KDM5A: variants seen among roughly 807,000 people sequenced by gnomAD.
The protein encoded by KDM5A is lysine-specific demethylase 5A.
In KDM5A, 42 loss-of-function variants were observed where a neutral mutation model predicts 193.5. The ratio of observed to expected loss-of-function variants is 0.22; its 90% CI spans 0.17 to 0.28. KDM5A has a LOEUF of 0.28. Ranked by LOEUF, KDM5A falls within the 10% of genes least tolerant of loss-of-function variation. KDM5A has a pLI of 1.00. For synonymous variants in KDM5A, 796 were observed against 718.1 expected (o/e 1.11, Z -1.73); for missense variants, 1,692 against 2,055.1 (o/e 0.82, Z 3.42).
rs572602301 is a variant in KDM5A, at chr12:332,800, G to A, written c.1653+687C>T. 3.6e-4 allele frequency among the ~76,000 whole-genome samples: 55 copies of A among 152,166 alleles called. 1 individual carries two copies. The highest frequency in any genetic ancestry group is 1.2e-3 in the African/African-American group (51 of 41,524). ...TATTAGGATAAGCATCCTTATTAGT[G>A]ATTAGTTATTAGGATAAGCATCCTT... On this transcript the variant is annotated intron_variant, in intron 12 of 27. Coordinates refer to ENST00000399788, the MANE Select transcript of KDM5A (RefSeq NM_001042603.3).
intron 4 of KDM5A, 56 bp downstream of exon 4, chr12:365,878 T>C (rs1259809600): frequency 6.3e-7 from 1 of 1,575,678 alleles, no homozygotes; most frequent in Non-Finnish European, 8.7e-7. Flanking sequence ...GTCTAAAGTT[T>C]GTACTTGGGC....
At chr12:375,886 AGAACAGCGAATGTTGCC>A (rs1944496632) in intron 3 of KDM5A, among the ~76,000 whole-genome samples, 1 of 152,348 alleles carries the variant, frequency 6.6e-6, no homozygotes, top group South Asian at 2.1e-4. Flanking sequence ...CGGAGGCTGT[AGAACAGCGAATGTTGCC>A]GAACAGCAAA....
At chr12:316,614 C>T (rs1299805215) in intron 19 of KDM5A, among the ~76,000 whole-genome samples, 2 of 152,140 alleles carry the variant, frequency 1.3e-5, no homozygotes, top group East Asian at 1.9e-4. Context: ...AGGTGCGCCA[C>T]GTTTATCAAA....
chr12:303,690 A>C (rs1039428025), intron 24 of KDM5A, among the ~76,000 whole-genome samples: 1 of 152,214 alleles, frequency 6.6e-6, no homozygotes, highest in Non-Finnish European at 1.5e-5. Flanking sequence ...TACCTTCTAT[A>C]GTCTACAACC....
chr12:292,769 C>T lies in KDM5A; in HGVS notation c.4856G>A (p.Cys1619Tyr). 1 of 1,614,232 alleles carries T rather than the reference C, an allele frequency of 6.2e-7. No homozygotes were observed. Among genetic ancestry groups the T allele is most frequent in the South Asian group, 1.1e-5 (1 of 91,090 alleles). Reference protein sequence around the residue: ...VCAAQNCQRPCKDKVDWVQCD... With the variant: ...VCAAQNCQRPYKDKVDWVQCD... ...ACAGTTGGAACTCACCTTGTCCTTGCAGGGCCTTTGGCAGTTCTGTGCTGC... is the reference window on the plus strand; with the variant it reads ...ACAGTTGGAACTCACCTTGTCCTTGTAGGGCCTTTGGCAGTTCTGTGCTGC... The change falls in exon 27 of 28, where the codon TGC (cysteine) becomes TAC (tyrosine). Residue 1619 changes from cysteine to tyrosine, a missense_variant. Transcript: ENST00000399788.
intron 2 of KDM5A, 64 bp downstream of exon 2, chr12:385,833 T>A: frequency 2.4e-6 from 3 of 1,273,188 alleles, no homozygotes; most frequent in Non-Finnish European, 3.4e-6. Context: ...TTCTCAAAGT[T>A]CTCTACCTAC....
At chr12:370,789 C>CGG (rs1944418359) in intron 3 of KDM5A, among the ~76,000 whole-genome samples, 1 of 152,158 alleles carries the variant, frequency 6.6e-6, no homozygotes, top group African/African-American at 2.4e-5. Context: ...CGACAGGCCC[C>CGG]GGTGTGTGAT....
chr12:321,035 A>T lies in KDM5A; in HGVS notation c.2501T>A (p.Phe834Tyr), dbSNP rs368205611. 7 of 1,614,162 alleles carry T rather than the reference A, an allele frequency of 4.3e-6. No homozygotes were observed. The highest frequency in any genetic ancestry group is 5.9e-6 in the Non-Finnish European group (7 of 1,179,966). The change falls in exon 18 of 28, where the codon TTT (phenylalanine) becomes TAT (tyrosine). Residue 834 changes from phenylalanine to tyrosine, a missense_variant. By Grantham distance (22) the Phe-to-Tyr change is conservative. Transcript: ENST00000399788. ...EELKAFVQQL[F>Y]SLPCVISQAR... ...TTGGCTGATGACACACGGAAGACTA[A>T]AAAGTTGTTGGACAAAGGCCTTCAA... is the stretch of plus-strand genomic sequence containing the variant.
intron 21 of KDM5A, among the ~76,000 whole-genome samples, chr12:310,172 A>G (rs1325987542): frequency 2.0e-5 from 3 of 152,230 alleles, no homozygotes; most frequent in African/African-American, 7.2e-5. Flanking sequence ...ACTGAGGCTC[A>G]GGAAGGAAAT....
At chr12:366,595 T>G (rs1385441795) in intron 3 of KDM5A, among the ~76,000 whole-genome samples, 1 of 152,170 alleles carries the variant, frequency 6.6e-6, no homozygotes, top group Admixed American at 6.5e-5. Context: ...AGGCTATAAT[T>G]TTTCAAAAGG....
intron 14 of KDM5A, among the ~76,000 whole-genome samples, chr12:326,524 T>C (rs1289174334): frequency 2.0e-5 from 3 of 152,066 alleles, no homozygotes; most frequent in South Asian, 2.1e-4. Context: ...CAGCAATATA[T>C]AGTGCAATAA....
Position 322,553 on chromosome 12 carries a change from G to T in KDM5A, c.2290C>A (p.Arg764=), listed in dbSNP as rs768653465. Residue 764 remains arginine (R), a synonymous_variant, in exon 17 of 28, where the codon CGA becomes AGA. Coordinates refer to ENST00000399788, the MANE Select transcript of KDM5A (RefSeq NM_001042603.3). ...TCCTCAGCATCTTCCAGCATTACTC[G>T]CAATTCAATCAAATCTGTAAAAATT... ...FNHKKDLIEL[R]VMLEDAEDRK... is the part of the protein sequence containing the mutation. 5 of 1,611,394 alleles carry T rather than the reference G, an allele frequency of 3.1e-6. No individual in the cohort carries two copies. The highest frequency in any genetic ancestry group is 4.2e-6 in the Non-Finnish European group (5 of 1,178,378).
At chr12:337,662 T>G in intron 10 of KDM5A, among the ~76,000 whole-genome samples, 1 of 150,380 alleles carries the variant, frequency 6.6e-6, no homozygotes, top group African/African-American at 2.5e-5. Flanking sequence ...TTTTTTTTTT[T>G]GAGACAGAGT....
chr12:309,915 C>A lies in KDM5A; in HGVS notation c.3266G>T (p.Arg1089Met). Reference protein sequence around the residue: ...DIGVYGSGKNRRKKVKELIEK... With the variant: ...DIGVYGSGKNMRKKVKELIEK... ...TATTAGTTCTTTTACTTTTTTCCTC[C>A]TATTTTTGCCACTCCCATATACACC... is the stretch of plus-strand genomic sequence containing the variant. The change falls in exon 22 of 28, where the codon AGG becomes ATG. Residue 1089 changes from arginine (R) to methionine (M), a missense_variant. By Grantham distance (91) the Arg-to-Met change is moderately conservative (BLOSUM62 -1). This residue lies in a region of KDM5A where 965 missense variants were observed against 1,061.0 expected (regional missense o/e 0.91). Coordinates refer to ENST00000399788, the MANE Select transcript of KDM5A (RefSeq NM_001042603.3). The A allele has an allele frequency of 6.2e-7, 1 of 1,613,494 alleles. No homozygotes were observed. The highest frequency in any genetic ancestry group is 1.7e-5 in the Admixed American group (1 of 59,930).
In KDM5A at chr12:389,216, TTC is replaced by T; in HGVS notation, c.-127_-126del. 1.1e-6 allele frequency: 1 copy of T among 917,998 alleles called. No individual in the cohort carries two copies. The highest frequency in any genetic ancestry group is 1.3e-5 in the South Asian group (1 of 76,178). The allele number at this position is 917,998 out of a possible 1,614,324, so 56.9% of individuals were successfully genotyped here. A position where few individuals can be genotyped will look rare whatever the true frequency, so the allele number is the denominator to read the frequency against. On this transcript the variant is annotated 5_prime_UTR_variant, in exon 1 of 28. Transcript: ENST00000399788. ...AGCGCATCTTCGCGGACAAGAACCG[TTC>T]AACACAGAAACCCCAGAATCGCTTC...
intron 10 of KDM5A, among the ~76,000 whole-genome samples, chr12:349,105 C>G (rs1944116712): frequency 6.6e-6 from 1 of 150,922 alleles, no homozygotes; most frequent in African/African-American, 2.4e-5. Context: ...ACTGCAACCT[C>G]TGCCTCCTGG....
At chr12:323,861 C>G in intron 14 of KDM5A, 80 bp from the exon 15 acceptor site, 1 of 1,109,966 alleles carries the variant, frequency 9.0e-7, no homozygotes, top group South Asian at 1.2e-5. Context: ...ACATTTTTTT[C>G]TATAGACAAA....
At chr12:311,232 A>G (rs1943582263) in intron 20 of KDM5A, 168 bp from the exon 21 acceptor site, 1 of 657,628 alleles carries the variant, frequency 1.5e-6, no homozygotes, top group African/African-American at 1.8e-5. Context: ...TATTTTTTAA[A>G]GTTTGTGTAA....
Position 323,210 on chromosome 12 carries a change from C to CAAAAAAAAAAAAAAAAAAAAAAA in KDM5A, c.2151-27_2151-5dup, listed in dbSNP as rs60377454. 170 of 297,128 alleles carry CAAAAAAAAAAAAAAAAAAAAAAA rather than the reference C, an allele frequency of 5.7e-4. 9 individuals are homozygous for CAAAAAAAAAAAAAAAAAAAAAAA. Among genetic ancestry groups the CAAAAAAAAAAAAAAAAAAAAAAA allele is most frequent in the Middle Eastern group, 2.7e-3 (2 of 740 alleles). The allele number at this position is 297,128 out of a possible 1,614,324, so 18.4% of individuals were successfully genotyped here. A position where few individuals can be genotyped will look rare whatever the true frequency, so the allele number is the denominator to read the frequency against. ...GTCTTCTAATGGGTAGCGATATCTA[C>CAAAAAAAAAAAAAAAAAAAAAAA]AAAAAAAAAAAAAAAAAAAAAAAAA... On this transcript the variant is annotated splice_region_variant and splice_polypyrimidine_tract_variant and intron_variant, in intron 15 of 27. Coordinates refer to ENST00000399788, the MANE Select transcript of KDM5A (RefSeq NM_001042603.3).
Sources: gnomAD v4.1 joint callset for allele counts (sites outside exome capture counted in the v4.1 genomes callset) on GRCh38, gnomAD v4.1.1 for gene constraint, gnomAD v4.1.1 regional missense constraint, MANE v1.5 for transcripts, NCBI Gene and HGNC (gene_info 2026-07-23, HGNC 2026-07-21) for gene names.